Variants in ABCC9 observed in about 807,000 individuals in gnomAD.
ABCC9 encodes ATP-binding cassette sub-family C member 9.
In ABCC9, 95 loss-of-function variants were observed where a neutral mutation model predicts 188.3. The ratio of observed to expected loss-of-function variants is 0.50; its 90% CI spans 0.43 to 0.60. The LOEUF (loss-of-function observed/expected upper bound fraction) is 0.60. Ranked by LOEUF, ABCC9 falls within the 20% of genes least tolerant of loss-of-function variation. The probability of loss-of-function intolerance (pLI) is 0.00; values close to 1 mark genes in which losing one functional copy is unlikely to be tolerated. For synonymous variants in ABCC9, 659 were observed against 652.7 expected (o/e 1.01, Z -0.15); for missense variants, 1,102 against 1,876.3 (o/e 0.59, Z 7.62).
intron 29 of ABCC9, among the ~76,000 whole-genome samples, chr12:21,841,393 C>T (rs1476384284): frequency 7.6e-6 from 1 of 130,920 alleles, no homozygotes; most frequent in Non-Finnish European, 1.6e-5. Flanking sequence ...GAGTCTCACT[C>T]TGTCACCCAG....
intron 16 of ABCC9, among the ~76,000 whole-genome samples, chr12:21,877,828 A>G (rs1946437783): frequency 6.6e-6 from 1 of 152,216 alleles, no homozygotes; most frequent in African/African-American, 2.4e-5. Context: ...GAGGGGAGTC[A>G]GCTGAGGTTG....
chr12:21,899,639 G>A (rs1021092201), intron 12 of ABCC9, among the ~76,000 whole-genome samples: 1 of 152,202 alleles, frequency 6.6e-6, no homozygotes. Context: ...AACGGTCTTA[G>A]CAAACAGCAC....
At position 21,818,266 on chromosome 12, in the gene ABCC9, G is replaced by C. The variant is rs374702075; in HGVS notation, c.3670-15C>G. 11 of 1,606,566 alleles carry C rather than the reference G, an allele frequency of 6.8e-6. No homozygotes were observed. In the African/African-American group the frequency reaches 1.1e-4, roughly 16 times the overall value. Reference sequence around the variant, plus strand: ...CCCAGATAATCCTTTGAAAAAGCAAGAGAAAATGTTAAAAGGTTACTCCCA... The same window carrying C: ...CCCAGATAATCCTTTGAAAAAGCAACAGAAAATGTTAAAAGGTTACTCCCA... On this transcript the variant is annotated splice_polypyrimidine_tract_variant and intron_variant, in intron 31 of 39. Transcript: ENST00000261200.
chr12:21,806,252 A>G (rs1338180502), intron 38 of ABCC9, among the ~76,000 whole-genome samples, 192 bp from the exon 39 acceptor site: 1 of 152,138 alleles, frequency 6.6e-6, no homozygotes, highest in Non-Finnish European at 1.5e-5. Flanking sequence ...TTAAAACACA[A>G]ATGAAAGTCA....
In ABCC9 at chr12:21,862,966, A is replaced by G; in HGVS notation, c.2326T>C (p.Phe776Leu). The G allele has an allele frequency of 1.2e-6, 2 of 1,607,806 alleles. No homozygotes were observed. The highest frequency in any genetic ancestry group is 1.7e-6 in the Non-Finnish European group (2 of 1,174,578). ...GCTCAAAATTACCTCTGTTTGTTAA[A>G]AGGACTTCCAAAAGTAATATTTTCT... ...VEENITFGSPFNKQRYKAVTD... is the reference protein window; with the variant it reads ...VEENITFGSPLNKQRYKAVTD... Residue 776 changes from phenylalanine to leucine, a missense_variant, in exon 20 of 40, where the codon TTT (phenylalanine) becomes CTT (leucine). This residue lies in a region of ABCC9 where 258 missense variants were observed against 325.6 expected (regional missense o/e 0.79). Transcript: ENST00000261200.
intron 21 of ABCC9, 59 bp downstream of exon 21, chr12:21,860,912 C>A (rs1398893594): frequency 1.7e-5 from 22 of 1,309,668 alleles, no homozygotes; most frequent in Non-Finnish European, 2.4e-5. Flanking sequence ...AGATTAAAGA[C>A]AACCAGAAGA....
At chr12:21,894,935 G>T (rs1053760129) in intron 13 of ABCC9, among the ~76,000 whole-genome samples, 31 of 152,126 alleles carry the variant, frequency 2.0e-4, no homozygotes, top group African/African-American at 7.5e-4. Flanking sequence ...ATTCCCAACC[G>T]CTGTTCATTT....
chr12:21,804,261 A>C (rs1012174740), intron 39 of ABCC9, among the ~76,000 whole-genome samples: 6 of 152,222 alleles, frequency 3.9e-5, no homozygotes, highest in Admixed American at 6.5e-5. Flanking sequence ...CTAATTAGGA[A>C]ACCTAACATT....
rs1941404221 is a variant in ABCC9, at chr12:21,801,080, A to T, written c.4614T>A (p.Asn1538Lys). Residue 1538 changes from asparagine to lysine, a missense_variant, in exon 40 of 40, where the codon AAT (asparagine) becomes AAA (lysine). By Grantham distance (94) the Asn-to-Lys change is moderately conservative (BLOSUM62 0). Around this residue, in one of 12 missense-constraint regions of ABCC9, gnomAD observed 30 missense variants for 34.3 expected, o/e 0.87. Coordinates refer to ENST00000261200, the MANE Select transcript of ABCC9 (RefSeq NM_020297.4). ...DTPESLLAQE[N>K]GVFASFVRAD... The stretch of plus-strand genomic sequence containing the variant: ...CGCGAACAAAAGAAGCAAATACTCC[A>T]TTTTCCTGAGCCAAGAGGCTTTCTG... 1 of 1,613,762 alleles carries T rather than the reference A, an allele frequency of 6.2e-7. No homozygotes were observed. Among genetic ancestry groups the T allele is most frequent in the African/African-American group, 1.3e-5 (1 of 74,904 alleles).
intron 14 of ABCC9, among the ~76,000 whole-genome samples, chr12:21,888,302 A>G (rs1946982823): frequency 6.6e-6 from 1 of 152,150 alleles, no homozygotes; most frequent in Non-Finnish European, 1.5e-5. Flanking sequence ...ACTAATGAGG[A>G]AAGTCCTCTT....
At chr12:21,850,612 A>G (rs1479693390) in intron 24 of ABCC9, among the ~76,000 whole-genome samples, 1 of 152,102 alleles carries the variant, frequency 6.6e-6, no homozygotes. Context: ...AACTTAATGG[A>G]CTTTCTTCCT....
chr12:21,852,166 T>A lies in ABCC9; in HGVS notation c.2700A>T (p.Gln900His). 1 of 1,613,846 alleles carries A rather than the reference T, an allele frequency of 6.2e-7. No homozygotes were observed. The highest frequency in any genetic ancestry group is 8.5e-7 in the Non-Finnish European group (1 of 1,179,924). Residue 900 changes from glutamine to histidine, a missense_variant, in exon 24 of 40, where the codon CAA becomes CAT. Gln to His is a conservative substitution (Grantham distance 24, BLOSUM62 0). This residue lies in a region of ABCC9 where 131 missense variants were observed against 170.2 expected (regional missense o/e 0.77). Coordinates refer to ENST00000261200, the MANE Select transcript of ABCC9 (RefSeq NM_020297.4). ...VLREGTLKDIQTKDVELYEHW... is the reference protein window; with the variant it reads ...VLREGTLKDIHTKDVELYEHW... ...GTTCATAAAGCTCAACATCTTTGGT[T>A]TGAATGTCCTTCAAAGTTCCTTCTC...
chr12:21,812,794 C>T (rs962119481), intron 35 of ABCC9, among the ~76,000 whole-genome samples: 1 of 152,002 alleles, frequency 6.6e-6, no homozygotes, highest in African/African-American at 2.4e-5. Flanking sequence ...CACATGTATA[C>T]CTATGTAACA....
chr12:21,906,039 T>G (rs1165424959), intron 12 of ABCC9, 87 bp downstream of exon 12: 1 of 1,430,738 alleles, frequency 7.0e-7, no homozygotes, highest in Non-Finnish European at 9.8e-7. Flanking sequence ...ACTAGAATGT[T>G]TCATTGATCA....
intron 2 of ABCC9, among the ~76,000 whole-genome samples, chr12:21,939,230 G>A (rs536058071): frequency 2.5e-4 from 38 of 152,222 alleles, no homozygotes; most frequent in South Asian, 8.3e-4. Context: ...CTCTGAACCT[G>A]TGCATTACCT....
intron 4 of ABCC9, among the ~76,000 whole-genome samples, chr12:21,926,699 C>G (rs750129665): frequency 1.3e-5 from 2 of 152,230 alleles, no homozygotes; most frequent in Non-Finnish European, 2.9e-5. Context: ...ACTGACACTT[C>G]AAGAATCAGG....
At chr12:21,854,950 T>C (rs1945148249) in intron 22 of ABCC9, among the ~76,000 whole-genome samples, 1 of 152,120 alleles carries the variant, frequency 6.6e-6, no homozygotes, top group Non-Finnish European at 1.5e-5. Flanking sequence ...GCAGCAAGGA[T>C]ATAATTATCA....
intron 4 of ABCC9, among the ~76,000 whole-genome samples, chr12:21,932,408 A>T (rs374940747): frequency 6.6e-6 from 1 of 152,156 alleles, no homozygotes; most frequent in Non-Finnish European, 1.5e-5. Flanking sequence ...AAAAGCAAAA[A>T]TTGACAAATT....
chr12:21,891,694 G>A (rs757795781), intron 14 of ABCC9, among the ~76,000 whole-genome samples: 1 of 152,176 alleles, frequency 6.6e-6, no homozygotes, highest in Non-Finnish European at 1.5e-5. Flanking sequence ...AAGTTTGACA[G>A]TGTGCTTTAT....
Sources: gnomAD v4.1 joint callset for allele counts (sites outside exome capture counted in the v4.1 genomes callset) on GRCh38, gnomAD v4.1.1 for gene constraint, gnomAD v4.1.1 regional missense constraint, MANE v1.5 for transcripts, NCBI Gene and HGNC (gene_info 2026-07-23, HGNC 2026-07-21) for gene names.